The following ZNF766 variants were observed in gnomAD, a reference collection of about 807,000 sequenced individuals.
The protein encoded by ZNF766 is zinc finger protein 766.
A neutral mutation model predicts 13.2 loss-of-function variants in ZNF766; 13 were observed. The ratio of observed to expected loss-of-function variants is 0.98; its 90% CI spans 0.64 to 1.56. The LOEUF is 1.56. Ranked by LOEUF, ZNF766 falls within the 40% of genes most tolerant of loss-of-function variation. ZNF766 has a pLI of 0.00. For missense variants in ZNF766, 521 were observed against 552.2 expected, an observed-to-expected ratio of 0.94 and a Z score of 0.57; for synonymous variants, 178 against 187.6, an observed-to-expected ratio of 0.95 and a Z score of 0.42.
Position 52,291,583 on chromosome 19 carries a change from A to AC in ZNF766, c.*387dup, listed in dbSNP as rs1244904808. On this transcript the variant is annotated 3_prime_UTR_variant, in exon 4 of 4. Transcript: ENST00000439461. ...ACCAGCCTGGCCAATATGGTGAAAC[A>AC]CCATATCTACTATAAATACAAAAAA... 1 of 173,478 alleles carries AC rather than the reference A, an allele frequency of 5.8e-6. No individual in the cohort carries two copies. Among genetic ancestry groups the AC allele is most frequent in the Non-Finnish European group, 1.2e-5 (1 of 81,184 alleles). The allele number at this position is 173,478 out of a possible 1,614,324, so 10.7% of individuals were successfully genotyped here. A position where few individuals can be genotyped will look rare whatever the true frequency, so the allele number is the denominator to read the frequency against.
Position 52,290,581 on chromosome 19 carries a change from G to A in ZNF766, c.790G>A (p.Val264Met), listed in dbSNP as rs142275744. 3,172 of 1,613,946 alleles carry A rather than the reference G, an allele frequency of 2.0e-3. 5 individuals carry two copies. Among genetic ancestry groups the A allele is most frequent in the Non-Finnish European group, 2.4e-3 (2,851 of 1,179,978 alleles). The change falls in exon 4 of 4, where the codon GTG (valine) becomes ATG (methionine). Residue 264 changes from valine (V) to methionine (M), a missense_variant. By Grantham distance (21) the Val-to-Met change is conservative (BLOSUM62 1). Transcript: ENST00000439461. ...RIAYLARHEKVHTGESPYKCN... is the reference protein window; with the variant it reads ...RIAYLARHEKMHTGESPYKCN... ...TGCATACCTTGCACGACACGAGAAA[G>A]TGCATACTGGAGAGAGTCCTTACAA...
intron 3 of ZNF766, among the ~76,000 whole-genome samples, chr19:52,289,271 C>T (rs944179207): frequency 6.6e-6 from 1 of 151,918 alleles, no homozygotes; most frequent in Non-Finnish European, 1.5e-5. Context: ...CGGCCTCAGC[C>T]TCCTGAGTAG....
rs529054070 is a variant in ZNF766, at chr19:52,283,837, A to C, written c.274+424A>C. ...ACTGCAACCTCCGCCTCCCGGGTACAAGTGAGTCCCCTGCCTCAACCTCCC... is the reference window on the plus strand; with the variant it reads ...ACTGCAACCTCCGCCTCCCGGGTACCAGTGAGTCCCCTGCCTCAACCTCCC... On this transcript the variant is annotated intron_variant, in intron 3 of 3. Coordinates refer to ENST00000439461, the MANE Select transcript of ZNF766 (RefSeq NM_001010851.3). 7.9e-5 allele frequency among the ~76,000 whole-genome samples: 12 copies of C among 152,304 alleles called. No individual in the cohort carries two copies. In the South Asian group the frequency reaches 2.5e-3, roughly 32 times the overall value.
chr19:52,269,663 G>C, intron 1 of ZNF766, 32 bp downstream of exon 1: 1 of 1,611,676 alleles, frequency 6.2e-7, no homozygotes, highest in Non-Finnish European at 8.5e-7. Context: ...TTAAGTGTTC[G>C]CTTAGCGGTG....
At chr19:52,285,370 GC>G (rs1156862758) in intron 3 of ZNF766, among the ~76,000 whole-genome samples, 5 of 152,136 alleles carry the variant, frequency 3.3e-5, no homozygotes, top group Admixed American at 2.6e-4. Flanking sequence ...TCCAAGACTT[GC>G]CCCCCTTCCC....
At chr19:52,287,392 T>A (rs534214372) in intron 3 of ZNF766, among the ~76,000 whole-genome samples, 1 of 149,048 alleles carries the variant, frequency 6.7e-6, no homozygotes, top group Non-Finnish European at 1.5e-5. Flanking sequence ...CTGCCCGCCT[T>A]GGCCTCCCAA....
chr19:52,283,971 C>T (rs1176954043), intron 3 of ZNF766, among the ~76,000 whole-genome samples: 3 of 152,176 alleles, frequency 2.0e-5, no homozygotes, highest in African/African-American at 7.2e-5. Context: ...CTCTTGACCT[C>T]GTGATCCGCC....
At chr19:52,280,146 CTG>C (rs1406136659) in intron 1 of ZNF766, among the ~76,000 whole-genome samples, 2 of 152,202 alleles carry the variant, frequency 1.3e-5, no homozygotes, top group South Asian at 4.1e-4. Context: ...ATAAACTAAA[CTG>C]AGTACTATTT....
In ZNF766 at chr19:52,292,316, A is replaced by G. The variant is rs2122495965; in HGVS notation, c.*1118A>G. The G allele has an allele frequency of 1.6e-6, 1 of 634,812 alleles. No homozygotes were observed. Among genetic ancestry groups the G allele is most frequent in the Non-Finnish European group, 2.8e-6 (1 of 354,670 alleles). The allele number at this position is 634,812 out of a possible 1,614,324, so 39.3% of individuals were successfully genotyped here. A position where few individuals can be genotyped will look rare whatever the true frequency, so the allele number is the denominator to read the frequency against. ...GTGGACAGAGAATAACAAAACCGTG[A>G]TGGCAGTCATCATGCTTATTGCAGT... On this transcript the variant is annotated 3_prime_UTR_variant, in exon 4 of 4. Transcript: ENST00000439461.
chr19:52,274,199 G>C (rs937085784), intron 1 of ZNF766, among the ~76,000 whole-genome samples: 11 of 149,480 alleles, frequency 7.4e-5, no homozygotes, highest in African/African-American at 2.8e-4. Flanking sequence ...GTATCACGTA[G>C]GATTTGCTTC....
At chr19:52,280,350 C>T (rs1981438434) in intron 1 of ZNF766, among the ~76,000 whole-genome samples, 1 of 151,942 alleles carries the variant, frequency 6.6e-6, no homozygotes, top group Non-Finnish European at 1.5e-5. Flanking sequence ...CATAGCAAGA[C>T]CCAGTCTCTA....
chr19:52,284,069 T>C (rs1981686535), intron 3 of ZNF766, among the ~76,000 whole-genome samples: 1 of 152,186 alleles, frequency 6.6e-6, no homozygotes, highest in African/African-American at 2.4e-5. Context: ...AGTTTTATGT[T>C]TTTGCCCTGC....
chr19:52,282,280 ATC>A (rs746626634), intron 2 of ZNF766, 43 bp downstream of exon 2: 1 of 1,543,190 alleles, frequency 6.5e-7, no homozygotes, highest in Non-Finnish European at 8.7e-7. Flanking sequence ...TGCCCTTAGT[ATC>A]TCTGCATTTT....
At position 52,292,033 on chromosome 19, in the gene ZNF766, G is replaced by C. The variant is rs537542419; in HGVS notation, c.*835G>C. The C allele has an allele frequency of 3.1e-6, 2 of 643,124 alleles. No homozygotes were observed. Among genetic ancestry groups the C allele is most frequent in the South Asian group, 1.8e-5 (1 of 56,056 alleles). 39.8% of individuals were successfully genotyped at this position (643,124 alleles called of 1,614,324 possible). A position where few individuals can be genotyped will look rare whatever the true frequency, so the allele number is the denominator to read the frequency against. On this transcript the variant is annotated 3_prime_UTR_variant, in exon 4 of 4. Transcript: ENST00000439461. ...AGTTTGAGCAGTGAGCTCTGATCTTGCCATTTGTACTCCAGCTTGGGTGAC... is the reference window on the plus strand; with the variant it reads ...AGTTTGAGCAGTGAGCTCTGATCTTCCCATTTGTACTCCAGCTTGGGTGAC...
chr19:52,276,778 A>T (rs947890871), intron 1 of ZNF766, among the ~76,000 whole-genome samples: 1 of 152,152 alleles, frequency 6.6e-6, no homozygotes, highest in Non-Finnish European at 1.5e-5. Flanking sequence ...TCCAGCATTG[A>T]GCACCGAAGC....
chr19:52,291,997 A>G lies in ZNF766; in HGVS notation c.*799A>G. 1.7e-6 allele frequency: 1 copy of G among 592,596 alleles called. No individual in the cohort carries two copies. The highest frequency in any genetic ancestry group is 2.8e-5 in the East Asian group (1 of 35,276). 36.7% of individuals were successfully genotyped at this position (592,596 alleles called of 1,614,324 possible). A position where few individuals can be genotyped will look rare whatever the true frequency, so the allele number is the denominator to read the frequency against. On this transcript the variant is annotated 3_prime_UTR_variant, in exon 4 of 4. Transcript: ENST00000439461. ...CGAGGCAAGAGGATTGCTCAAGCCC[A>G]GGAGTTTGAGAGTTTGAGCAGTGAG...
rs201864013 is a variant in ZNF766 at position 52,291,129 on chromosome 19, G to A, written c.1338G>A (p.Lys446=). The change falls in exon 4 of 4, where the codon AAG becomes AAA. Residue 446 remains lysine, a synonymous_variant. Coordinates refer to ENST00000439461, the MANE Select transcript of ZNF766 (RefSeq NM_001010851.3). ...EKPYKCHVCG[K]VFRHSSWFVQ... ...CTTACAAATGCCATGTGTGTGGTAA[G>A]GTCTTTAGGCACAGTTCATGGTTTG... 6.2e-7 allele frequency: 1 copy of A among 1,613,616 alleles called. No individual in the cohort carries two copies. The highest frequency in any genetic ancestry group is 8.5e-7 in the Non-Finnish European group (1 of 1,179,664).
Position 52,290,632 on chromosome 19 carries a change from A to C in ZNF766, c.841A>C (p.Ser281Arg). ...ATGTAATGAGTGTGGCAAGGTCTTC[A>C]GTCGAATTACATACCTTGTACGACA... ...YKCNECGKVF[S>R]RITYLVRHQK... Residue 281 changes from serine (S) to arginine (R), a missense_variant, in exon 4 of 4, where the codon AGT becomes CGT. Ser to Arg is a moderately radical substitution (Grantham distance 110). Coordinates refer to ENST00000439461, the MANE Select transcript of ZNF766 (RefSeq NM_001010851.3). 1 of 1,614,090 alleles carries C rather than the reference A, an allele frequency of 6.2e-7. No homozygotes were observed. Among genetic ancestry groups the C allele is most frequent in the Non-Finnish European group, 8.5e-7 (1 of 1,179,966 alleles).
intron 1 of ZNF766, among the ~76,000 whole-genome samples, chr19:52,272,354 C>T (rs964138272): frequency 1.3e-5 from 2 of 152,184 alleles, no homozygotes; most frequent in African/African-American, 2.4e-5. Flanking sequence ...TTGAAGACAT[C>T]TCTAAGTTTA....
Sources: gnomAD v4.1 joint callset for allele counts (sites outside exome capture counted in the v4.1 genomes callset) on GRCh38, gnomAD v4.1.1 for gene constraint, MANE v1.5 for transcripts, NCBI Gene and HGNC (gene_info 2026-07-23, HGNC 2026-07-21) for gene names.